Variants in RASA2 observed in about 807,000 individuals in gnomAD.
RASA2 encodes RAS p21 protein activator 2, also known as ras GTPase-activating protein 2.
Under a neutral mutation model 118.2 loss-of-function variants are expected in RASA2, and 155 were observed. The ratio of observed to expected loss-of-function variants is 1.31; its 90% confidence interval spans 1.15 to 1.50. The LOEUF is 1.50. Ranked by LOEUF, RASA2 falls within the 40% of genes most tolerant of loss-of-function variation. The probability of loss-of-function intolerance (pLI) is 0.00; values close to 1 mark genes in which losing one functional copy is unlikely to be tolerated. For synonymous variants in RASA2, 353 were observed against 349.1 expected (o/e 1.01, Z -0.12); for missense variants, 1,016 against 1,009.6 (o/e 1.01, Z -0.09).
intron 9 of RASA2, among the ~76,000 whole-genome samples, chr3:141,565,854 C>T (rs2151124707): frequency 6.6e-6 from 1 of 152,330 alleles, no homozygotes; most frequent in South Asian, 2.1e-4. Flanking sequence ...ATCTTTACAT[C>T]ACTATTTCTT....
chr3:141,583,846 A>G (rs2083155487), intron 17 of RASA2, among the ~76,000 whole-genome samples: 1 of 152,190 alleles, frequency 6.6e-6, no homozygotes, highest in Admixed American at 6.5e-5. Context: ...AAGCAGAATA[A>G]TGTAGAGAAG....
At chr3:141,522,408 G>C (rs1312477158) in intron 3 of RASA2, among the ~76,000 whole-genome samples, 24 of 152,116 alleles carry the variant, frequency 1.6e-4, no homozygotes, top group Non-Finnish European at 3.5e-4. Flanking sequence ...TTTCCATATA[G>C]ATCACAGGTG....
chr3:141,570,856 C>T, intron 9 of RASA2, 56 bp from the exon 10 acceptor site: 1 of 1,501,122 alleles, frequency 6.7e-7, no homozygotes, highest in African/African-American at 1.4e-5. Flanking sequence ...TCTTAACTTG[C>T]CTCATTGGCT....
intron 9 of RASA2, among the ~76,000 whole-genome samples, chr3:141,566,559 T>C (rs1051699487): frequency 1.7e-4 from 26 of 152,214 alleles, no homozygotes; most frequent in African/African-American, 6.0e-4. Flanking sequence ...TAGAAAAACA[T>C]TTATGATAAG....
At chr3:141,490,011 G>A (rs1469285062) in intron 1 of RASA2, among the ~76,000 whole-genome samples, 1 of 150,852 alleles carries the variant, frequency 6.6e-6, no homozygotes, top group Non-Finnish European at 1.5e-5. Flanking sequence ...GGGAAGAAGG[G>A]ACATGCAAAT....
chr3:141,543,750 A>G (rs1478015829), intron 5 of RASA2, among the ~76,000 whole-genome samples: 1 of 151,462 alleles, frequency 6.6e-6, no homozygotes, highest in Admixed American at 6.6e-5. Flanking sequence ...ATGGTTTCTG[A>G]TGTGAAGTTC....
intron 5 of RASA2, among the ~76,000 whole-genome samples, chr3:141,547,761 C>T (rs1372207176): frequency 1.3e-5 from 2 of 152,088 alleles, no homozygotes; most frequent in Non-Finnish European, 2.9e-5. Context: ...TGTCATGTTC[C>T]AGATCTTAGA....
chr3:141,563,238 C>A (rs2082764721), intron 9 of RASA2, among the ~76,000 whole-genome samples: 1 of 152,056 alleles, frequency 6.6e-6, no homozygotes, highest in Non-Finnish European at 1.5e-5. Context: ...TCTTTATTCC[C>A]TGTTTCTTTT....
intron 4 of RASA2, 126 bp downstream of exon 4, chr3:141,529,928 A>T: frequency 1.4e-6 from 1 of 724,232 alleles, no homozygotes; most frequent in Non-Finnish European, 2.2e-6. Flanking sequence ...ATCAAATATT[A>T]TAGACTTTTG....
intron 19 of RASA2, chr3:141,590,188 T>G (rs2083266962): frequency 4.4e-6 from 2 of 456,086 alleles, no homozygotes; most frequent in South Asian, 3.1e-5. Context: ...TTGATAATAT[T>G]AATTGTTATA....
At chr3:141,504,890 A>C (rs2081841018) in intron 1 of RASA2, among the ~76,000 whole-genome samples, 1 of 151,996 alleles carries the variant, frequency 6.6e-6, no homozygotes, top group African/African-American at 2.4e-5. Context: ...CCACTCCTCC[A>C]GTGTGCCAAA....
chr3:141,586,827 C>A, intron 19 of RASA2, 75 bp downstream of exon 19: 1 of 1,131,776 alleles, frequency 8.8e-7, no homozygotes, highest in East Asian at 2.5e-5. Flanking sequence ...TATTGTGACT[C>A]TAGTGAATCC....
At chr3:141,602,889 G>A (rs909179011) in intron 19 of RASA2, among the ~76,000 whole-genome samples, 39 of 152,192 alleles carry the variant, frequency 2.6e-4, no homozygotes, top group African/African-American at 7.7e-4. Context: ...ACATGCCTAC[G>A]TTAGCAGTCA....
At chr3:141,568,187 A>G (rs1281988148) in intron 9 of RASA2, among the ~76,000 whole-genome samples, 1 of 152,182 alleles carries the variant, frequency 6.6e-6, no homozygotes, top group Non-Finnish European at 1.5e-5. Flanking sequence ...CATTGCATGA[A>G]TATTATGTAC....
chr3:141,542,334 C>T (rs554367665), intron 5 of RASA2, among the ~76,000 whole-genome samples: 3 of 152,118 alleles, frequency 2.0e-5, no homozygotes, highest in African/African-American at 7.2e-5. Flanking sequence ...TTTTGAGATT[C>T]ATCCACACTG....
intron 3 of RASA2, among the ~76,000 whole-genome samples, chr3:141,517,320 A>G: frequency 6.6e-6 from 1 of 152,126 alleles, no homozygotes; most frequent in Non-Finnish European, 1.5e-5. Flanking sequence ...AGACTGGGTA[A>G]TTTATAAAGA....
chr3:141,490,270 C>T (rs188089745), intron 1 of RASA2, among the ~76,000 whole-genome samples: 1 of 150,118 alleles, frequency 6.7e-6, no homozygotes, highest in East Asian at 2.0e-4. Context: ...GGTCTGCACT[C>T]CTGTGTAGCG....
At chr3:141,535,968 G>A (rs2082320152) in intron 4 of RASA2, among the ~76,000 whole-genome samples, 1 of 152,098 alleles carries the variant, frequency 6.6e-6, no homozygotes, top group African/African-American at 2.4e-5. Flanking sequence ...AATTTACACA[G>A]TATCTTCTAT....
At chr3:141,567,723 A>C (rs1270325541) in intron 9 of RASA2, among the ~76,000 whole-genome samples, 1 of 152,226 alleles carries the variant, frequency 6.6e-6, no homozygotes, top group Admixed American at 6.5e-5. Flanking sequence ...AGAATAGAGC[A>C]GTAACAAGAT....
Sources: allele counts gnomAD v4.1 joint callset (sites outside exome capture counted in the v4.1 genomes callset), GRCh38; gene constraint gnomAD v4.1.1; transcripts MANE v1.5; gene names NCBI Gene and HGNC (gene_info 2026-07-23, HGNC 2026-07-21).